Variants in RBFOX1 observed in about 807,000 individuals in gnomAD.
RBFOX1 encodes the protein RNA binding fox-1 homolog 1, also known as RNA binding protein fox-1 homolog 1.
In RBFOX1, 8 loss-of-function variants were observed where a neutral mutation model predicts 57.7. The ratio of observed to expected loss-of-function variants is 0.14; its 90% CI spans 0.08 to 0.25. RBFOX1 has a LOEUF of 0.25. Among genes scored for constraint, RBFOX1 ranks in the 10% least tolerant of loss-of-function variants. RBFOX1 has a pLI of 1.00. For missense variants in RBFOX1, 611 were observed against 548.5 expected, an observed-to-expected ratio of 1.11 and a Z score of -1.14; for synonymous variants, 326 against 222.4, an observed-to-expected ratio of 1.47 and a Z score of -4.15.
chr16:6,812,372 CTTAT>C (rs995936026), intron 3 of RBFOX1, among the ~76,000 whole-genome samples: 9 of 151,642 alleles, frequency 5.9e-5, no homozygotes, highest in Non-Finnish European at 1.0e-4. Flanking sequence ...GGTTCAGTTT[CTTAT>C]TTTTTATTTT....
At chr16:6,293,673 G>A (rs760151198) in intron 1 of RBFOX1, among the ~76,000 whole-genome samples, 5 of 152,182 alleles carry the variant, frequency 3.3e-5, no homozygotes, top group Non-Finnish European at 5.9e-5. Context: ...ACATAGGGAA[G>A]AGGGGCTAGT....
chr16:6,697,372 G>A (rs1436906151), intron 3 of RBFOX1, among the ~76,000 whole-genome samples: 1 of 152,128 alleles, frequency 6.6e-6, no homozygotes, highest in African/African-American at 2.4e-5. Context: ...TCCTTTGGGT[G>A]CAAGCAACAG....
intron 3 of RBFOX1, among the ~76,000 whole-genome samples, chr16:6,748,343 A>G (rs1737746728): frequency 1.3e-5 from 2 of 152,104 alleles, no homozygotes; most frequent in Non-Finnish European, 2.9e-5. Context: ...ATATAACTAT[A>G]TACATATGTA....
At chr16:7,269,315 A>T (rs563404933) in intron 4 of RBFOX1, among the ~76,000 whole-genome samples, 2 of 152,298 alleles carry the variant, frequency 1.3e-5, no homozygotes, top group South Asian at 4.1e-4. Flanking sequence ...TAGAAAAGCA[A>T]CATATGATCA....
intron 1 of RBFOX1, among the ~76,000 whole-genome samples, chr16:6,112,830 A>C (rs1227980459): frequency 6.6e-6 from 1 of 152,236 alleles, no homozygotes; most frequent in African/African-American, 2.4e-5. Context: ...CTGAGAGATC[A>C]GAGTAGGATT....
chr16:6,971,933 C>T (rs988926496), intron 3 of RBFOX1, among the ~76,000 whole-genome samples: 2 of 152,072 alleles, frequency 1.3e-5, no homozygotes, highest in African/African-American at 4.8e-5. Context: ...ACTGGACCGA[C>T]TTGAGATGCG....
Position 6,097,561 on chromosome 16 carries a change from C to T in RBFOX1, c.-127+77569C>T, listed in dbSNP as rs751606586. 1.1e-4 allele frequency among the ~76,000 whole-genome samples: 16 copies of T among 152,134 alleles called. No individual in the cohort carries two copies. Among genetic ancestry groups the T allele is most frequent in the Non-Finnish European group, 2.2e-4 (15 of 68,036 alleles). ...TCTTCTGAATGTTAAAGTATAAGAA[C>T]CTCTGCTGCACAGGGAGACCTCACT... On this transcript the variant is annotated intron_variant, in intron 1 of 15. Transcript: ENST00000550418. The surrounding 1 kb of genome is among the most constrained non-coding windows in gnomAD (Gnocchi z 5.0).
chr16:7,490,536 A>G (rs754526862), intron 4 of RBFOX1, among the ~76,000 whole-genome samples: 1 of 152,154 alleles, frequency 6.6e-6, no homozygotes, highest in Non-Finnish European at 1.5e-5. Flanking sequence ...TTTACTCCCC[A>G]TTTTCATCTA....
chr16:6,130,113 G>T (rs932653508), intron 1 of RBFOX1, among the ~76,000 whole-genome samples: 2 of 152,036 alleles, frequency 1.3e-5, no homozygotes, highest in African/African-American at 4.8e-5. Flanking sequence ...AGACACATAG[G>T]TCTACCATAG....
chr16:5,272,095 A>G (rs1221411947), intron 1 of RBFOX1, among the ~76,000 whole-genome samples: 3 of 152,096 alleles, frequency 2.0e-5, no homozygotes, highest in Non-Finnish European at 4.4e-5. Flanking sequence ...ATTGACATCA[A>G]TTTTTTCTTG....
rs117694366 is a variant in RBFOX1 at position 5,287,663 on chromosome 16, C to T, written c.219+47558C>T. Among the ~76,000 whole-genome samples the T allele has an allele frequency of 1.1e-3, 172 of 152,244 alleles. 5 individuals carry two copies. In the East Asian group the frequency reaches 0.026, roughly 23 times the overall value. On this transcript the variant is annotated intron_variant, in intron 1 of 2. Coordinates refer to the RBFOX1 transcript ENST00000585867. ...TTTGCTCTTGGTGTCTCTTATCTTC[C>T]GCTGGAAGCTGCAGGCTGGCCTGGG...
intron 1 of RBFOX1, among the ~76,000 whole-genome samples, chr16:5,348,954 A>G (rs1360267414): frequency 1.3e-5 from 2 of 152,220 alleles, no homozygotes; most frequent in Non-Finnish European, 2.9e-5. Context: ...TTGCTGGATC[A>G]TATGGTACTT....
At chr16:6,713,259 C>T (rs535518650) in intron 3 of RBFOX1, among the ~76,000 whole-genome samples, 1 of 82,286 alleles carries the variant, frequency 1.2e-5, no homozygotes, top group Non-Finnish European at 2.6e-5. Context: ...CCATATCATA[C>T]CTGGGTTTTT....
intron 3 of RBFOX1, among the ~76,000 whole-genome samples, chr16:6,880,404 G>T (rs73542593): frequency 0.063 from 9,635 of 152,232 alleles, 1,063 homozygotes; most frequent in African/African-American, 0.22. Flanking sequence ...CCCTGTTGCA[G>T]GAATGAACAT....
At chr16:7,194,593 A>C (rs1372722609) in intron 4 of RBFOX1, among the ~76,000 whole-genome samples, 3 of 152,108 alleles carry the variant, frequency 2.0e-5, no homozygotes, top group East Asian at 1.9e-4. Context: ...TCTGTTTTCT[A>C]CCCCTTTCCC....
chr16:6,972,782 G>T (rs754949357), intron 3 of RBFOX1, among the ~76,000 whole-genome samples: 1 of 152,052 alleles, frequency 6.6e-6, no homozygotes, highest in South Asian at 2.1e-4. Context: ...ATTTGATGTC[G>T]AGTGGGTAAG....
intron 1 of RBFOX1, among the ~76,000 whole-genome samples, chr16:6,100,993 G>C (rs377388797): frequency 6.6e-6 from 1 of 152,138 alleles, no homozygotes; most frequent in Non-Finnish European, 1.5e-5. Context: ...CTATTCTAAA[G>C]GTACAGGTTC....
At chr16:6,204,981 A>G (rs2097244546) in intron 1 of RBFOX1, among the ~76,000 whole-genome samples, 1 of 152,212 alleles carries the variant, frequency 6.6e-6, no homozygotes, top group South Asian at 2.1e-4. Context: ...TTAGCAATAA[A>G]AGGAATTTGC....
chr16:6,571,305 G>A (rs1489266102), intron 2 of RBFOX1, among the ~76,000 whole-genome samples: 2 of 152,214 alleles, frequency 1.3e-5, no homozygotes, highest in East Asian at 3.9e-4. Flanking sequence ...TCCAGTGGGA[G>A]GAGCAAGGAA....
Sources: allele counts gnomAD v4.1 joint callset (sites outside exome capture counted in the v4.1 genomes callset), GRCh38; gene constraint gnomAD v4.1.1; non-coding constraint Gnocchi (gnomAD v3.1); transcripts MANE v1.5; gene names NCBI Gene and HGNC (gene_info 2026-07-23, HGNC 2026-07-21).